The following AHCYL2 variants were observed in gnomAD, a reference collection of about 807,000 sequenced individuals.
The protein encoded by AHCYL2 is S-adenosylhomocysteine hydrolase-like protein 2.
In AHCYL2, 28 loss-of-function variants were observed where a neutral mutation model predicts 81.4. The observed-to-expected ratio is 0.34, with a 90% CI of 0.25 to 0.47. The LOEUF is 0.47. AHCYL2 is among the 20% of genes least tolerant of loss of function. The pLI, the probability that AHCYL2 is intolerant of heterozygous loss-of-function variation, is 1.00. For missense variants in AHCYL2, 551 were observed against 785.1 expected (o/e 0.70, Z 3.56); for synonymous variants, 272 against 290.2 (o/e 0.94, Z 0.64).
intron 1 of AHCYL2, among the ~76,000 whole-genome samples, chr7:129,333,868 GA>G (rs1371903086): frequency 6.6e-6 from 1 of 151,956 alleles, no homozygotes; most frequent in South Asian, 2.1e-4. Flanking sequence ...ACATTTTTTT[GA>G]AAAAACATTT....
chr7:129,410,324 A>C, intron 11 of AHCYL2: 4 of 1,614,184 alleles, frequency 2.5e-6, no homozygotes, highest in Non-Finnish European at 3.4e-6. Context: ...AAACTCTTCA[A>C]TGTCATCAAG....
intron 7 of AHCYL2, among the ~76,000 whole-genome samples, 195 bp downstream of exon 7, chr7:129,403,680 G>A (rs537269362): frequency 4.0e-5 from 6 of 151,822 alleles, no homozygotes; most frequent in South Asian, 4.2e-4. Flanking sequence ...TGGCTAACAC[G>A]GTGAAACCCC....
chr7:129,264,095 C>T (rs1584719740), intron 1 of AHCYL2, among the ~76,000 whole-genome samples: 1 of 152,304 alleles, frequency 6.6e-6, no homozygotes, highest in African/African-American at 2.4e-5. Flanking sequence ...CATCTCGGCT[C>T]ACTGCAAGCT....
chr7:129,370,646 T>G (rs781608319), intron 1 of AHCYL2, among the ~76,000 whole-genome samples: 5 of 152,144 alleles, frequency 3.3e-5, no homozygotes, highest in Non-Finnish European at 5.9e-5. Context: ...TACAGTGAGC[T>G]GAGATCGCGC....
intron 1 of AHCYL2, among the ~76,000 whole-genome samples, chr7:129,358,085 G>T (rs954320617): frequency 2.0e-5 from 3 of 151,764 alleles, no homozygotes; most frequent in Non-Finnish European, 4.4e-5. Context: ...ACATAAAATG[G>T]AATATTATTC....
At chr7:129,355,486 C>T (rs1460166649) in intron 1 of AHCYL2, among the ~76,000 whole-genome samples, 2 of 152,122 alleles carry the variant, frequency 1.3e-5, no homozygotes, top group African/African-American at 4.8e-5. Context: ...ATCACATGCA[C>T]CTAACCGTGT....
Position 129,238,516 on chromosome 7 carries a change from C to T in AHCYL2, c.363+13077C>T, listed in dbSNP as rs569383984. Among the ~76,000 whole-genome samples the T allele has an allele frequency of 5.9e-5, 9 of 152,230 alleles. 1 individual carries two copies. In the East Asian group the frequency reaches 1.7e-3, roughly 29 times the overall value. ...AAGTTAGCAAGATACCATTCTTGCC[C>T]TCCAGGAGAGGATAGGGAATGTAGA... On this transcript the variant is annotated intron_variant, in intron 1 of 16. Coordinates refer to ENST00000325006, the MANE Select transcript of AHCYL2 (RefSeq NM_015328.4).
chr7:129,340,580 A>AT (rs1343569802), intron 1 of AHCYL2, among the ~76,000 whole-genome samples: 1 of 151,872 alleles, frequency 6.6e-6, no homozygotes, highest in African/African-American at 2.4e-5. Flanking sequence ...AAAAAAAAAA[A>AT]AAAAATTTCT....
chr7:129,270,847 C>T (rs1338784857), intron 1 of AHCYL2, among the ~76,000 whole-genome samples: 2 of 152,184 alleles, frequency 1.3e-5, no homozygotes, highest in African/African-American at 4.8e-5. Flanking sequence ...AGAAAGGTTT[C>T]TCTGAGAATT....
At chr7:129,310,243 T>C (rs1797606056) in intron 1 of AHCYL2, among the ~76,000 whole-genome samples, 1 of 152,184 alleles carries the variant, frequency 6.6e-6, no homozygotes, top group African/African-American at 2.4e-5. Flanking sequence ...TCTAATCCTA[T>C]CTATATATAC....
Position 129,405,819 on chromosome 7 carries a change from G to GTT in AHCYL2, c.1143-9_1143-8dup. 2.6e-6 allele frequency: 4 copies of GTT among 1,568,358 alleles called. No homozygotes were observed. The highest frequency in any genetic ancestry group is 2.6e-6 in the Non-Finnish European group (3 of 1,148,692). ...CAAGAGAAGATTTTTCTGATTTAAT[G>GTT]TTTTTTTTTCCCCTAGACTTAAAAG... is the stretch of plus-strand genomic sequence containing the variant. On this transcript the variant is annotated splice_polypyrimidine_tract_variant and intron_variant, in intron 8 of 16. Transcript: ENST00000325006.
At chr7:129,347,196 A>T (rs970811541) in intron 1 of AHCYL2, among the ~76,000 whole-genome samples, 2 of 151,256 alleles carry the variant, frequency 1.3e-5, no homozygotes, top group Middle Eastern at 3.4e-3. Context: ...GTATAATGCT[A>T]CAATGATGGG....
intron 1 of AHCYL2, among the ~76,000 whole-genome samples, chr7:129,300,017 C>T (rs1008695599): frequency 2.0e-5 from 3 of 151,858 alleles, no homozygotes; most frequent in African/African-American, 2.4e-5. Flanking sequence ...TTTTAATTTT[C>T]GTGGGTACAT....
chr7:129,276,746 A>AAAAG (rs1554473348), intron 1 of AHCYL2, among the ~76,000 whole-genome samples: 1 of 151,244 alleles, frequency 6.6e-6, no homozygotes, highest in Non-Finnish European at 1.5e-5. Context: ...CAAAAAAAAA[A>AAAAG]AAAAAGAAAA....
intron 1 of AHCYL2, among the ~76,000 whole-genome samples, chr7:129,253,619 T>G (rs1035972142): frequency 7.2e-5 from 11 of 152,152 alleles, no homozygotes; most frequent in Non-Finnish European, 1.2e-4. Flanking sequence ...AAGAAATTAT[T>G]TTTTATTTTT....
chr7:129,275,331 G>A (rs1394483143), intron 1 of AHCYL2, among the ~76,000 whole-genome samples: 2 of 152,162 alleles, frequency 1.3e-5, no homozygotes, highest in Non-Finnish European at 2.9e-5. Context: ...GAACCCGGGA[G>A]GCAGAGGTTG....
intron 1 of AHCYL2, among the ~76,000 whole-genome samples, chr7:129,297,099 C>T (rs1254238871): frequency 6.6e-6 from 1 of 152,150 alleles, no homozygotes; most frequent in African/African-American, 2.4e-5. Context: ...CTATTGTAGC[C>T]TTGGCACATT....
At chr7:129,251,591 A>C (rs1188522600) in intron 1 of AHCYL2, among the ~76,000 whole-genome samples, 1 of 152,070 alleles carries the variant, frequency 6.6e-6, no homozygotes, top group Non-Finnish European at 1.5e-5. Context: ...CCTCCTTTAC[A>C]GTTTGGTAAA....
chr7:129,263,589 G>C (rs556292504), intron 1 of AHCYL2, among the ~76,000 whole-genome samples: 33 of 152,326 alleles, frequency 2.2e-4, no homozygotes, highest in African/African-American at 7.5e-4. Context: ...GCAGAGAAAC[G>C]AGAGACAAGA....
Sources: allele counts gnomAD v4.1 joint callset (sites outside exome capture counted in the v4.1 genomes callset), GRCh38; gene constraint gnomAD v4.1.1; transcripts MANE v1.5; gene names NCBI Gene and HGNC (gene_info 2026-07-23, HGNC 2026-07-21).